The following IP6K3 variants were observed in gnomAD, a reference collection of about 807,000 sequenced individuals.
The protein encoded by IP6K3 is ATP:1D-myo-inositol-hexakisphosphate phosphotransferase.
IP6K3 carries 20 observed loss-of-function variants against 28.8 expected under a neutral mutation model. That is an observed-to-expected ratio of 0.70 (90% confidence interval 0.49 to 1.01). The LOEUF is 1.01. Among genes scored for constraint, IP6K3 ranks in the 50% least tolerant of loss-of-function variants. IP6K3 has a pLI of 0.00. For missense variants in IP6K3, 480 were observed against 537.1 expected (o/e 0.89, Z 1.05); for synonymous variants, 213 against 221.3 (o/e 0.96, Z 0.33).
At chr6:33,726,581 G>T in intron 4 of IP6K3, 150 bp downstream of exon 4, 1 of 768,332 alleles carries the variant, frequency 1.3e-6, no homozygotes, top group Non-Finnish European at 2.0e-6. Flanking sequence ...TTGAGGGCTT[G>T]TGCCTTCCAG....
intron 2 of IP6K3, among the ~76,000 whole-genome samples, chr6:33,732,274 C>G (rs1766348323): frequency 6.6e-6 from 1 of 152,200 alleles, no homozygotes; most frequent in South Asian, 2.1e-4. Flanking sequence ...CCCTGCCCAT[C>G]ATCCTCCCTG....
At position 33,742,571 on chromosome 6, in the gene IP6K3, T is replaced by C. The variant is rs1301481997; in HGVS notation, c.-180+4187A>G. Among the ~76,000 whole-genome samples the C allele has an allele frequency of 6.6e-6, 1 of 152,028 alleles. No individual in the cohort carries two copies. Among genetic ancestry groups the C allele is most frequent in the Non-Finnish European group, 1.5e-5 (1 of 67,998 alleles). ...GGGGCCTGCCAAGACCTTACCCAAA[T>C]CCTCACCACCACAATCTGCAGAGTA... is the stretch of plus-strand genomic sequence containing the variant. On this transcript the variant is annotated intron_variant, in intron 1 of 5. Transcript: ENST00000293756. This position sits in a 1 kb window ranked among gnomAD's most constrained non-coding sequence, Gnocchi z 4.5.
At chr6:33,725,142 T>A (rs1195726465) in intron 5 of IP6K3, among the ~76,000 whole-genome samples, 1 of 145,648 alleles carries the variant, frequency 6.9e-6, no homozygotes, top group Non-Finnish European at 1.5e-5. Flanking sequence ...GGCAGGAGAA[T>A]GGCATGAACC....
chr6:33,731,873 A>G (rs1582209737), intron 2 of IP6K3, among the ~76,000 whole-genome samples: 1 of 151,214 alleles, frequency 6.6e-6, no homozygotes, highest in South Asian at 2.1e-4. Flanking sequence ...AGAGTGTGGG[A>G]CCCAGCCAGA....
At chr6:33,741,266 T>G (rs1019975672) in intron 1 of IP6K3, among the ~76,000 whole-genome samples, 16 of 152,322 alleles carry the variant, frequency 1.1e-4, no homozygotes, top group African/African-American at 3.4e-4. Context: ...GGGGGTGGCT[T>G]GTTATGCAGC....
At chr6:33,756,620 G>A in the IP6K3 span, among the ~76,000 whole-genome samples, 15 of 152,168 alleles carry the variant, frequency 9.9e-5, no homozygotes, top group African/African-American at 2.2e-4. Context: ...AACTTATTTC[G>A]TGTATCATGA....
At chr6:33,732,322 T>G (rs1766350515) in intron 2 of IP6K3, among the ~76,000 whole-genome samples, 1 of 152,170 alleles carries the variant, frequency 6.6e-6, no homozygotes. Flanking sequence ...AGGGAGAACA[T>G]GCACTCTGTG....
At chr6:33,729,450 C>T (rs772937035) in intron 2 of IP6K3, among the ~76,000 whole-genome samples, 1 of 152,226 alleles carries the variant, frequency 6.6e-6, no homozygotes, top group African/African-American at 2.4e-5. Flanking sequence ...ACCAGTGGCT[C>T]CCTTGCCCTC....
intron 1 of IP6K3, among the ~76,000 whole-genome samples, chr6:33,745,298 G>C (rs1194302868): frequency 6.6e-6 from 1 of 152,206 alleles, no homozygotes; most frequent in East Asian, 1.9e-4. Flanking sequence ...CAGGGGGTGG[G>C]CTTGGCCTGG....
intron 1 of IP6K3, among the ~76,000 whole-genome samples, chr6:33,738,124 T>C (rs145173497): frequency 6.6e-6 from 1 of 152,318 alleles, no homozygotes; most frequent in African/African-American, 2.4e-5. Flanking sequence ...CTGGGCTTGC[T>C]GGCATGTCGG....
chr6:33,745,220 G>A (rs1766863618), intron 1 of IP6K3, among the ~76,000 whole-genome samples: 1 of 152,234 alleles, frequency 6.6e-6, no homozygotes, highest in Admixed American at 6.5e-5. Context: ...CAACCATCCG[G>A]GTTTCTGCCT....
chr6:33,761,228 C>T, the IP6K3 span, among the ~76,000 whole-genome samples: 57 of 152,154 alleles, frequency 3.7e-4, no homozygotes, highest in Middle Eastern at 6.8e-3. Context: ...GGGTGGGAGT[C>T]GAGGTGGGGG....
chr6:33,728,834 G>C (rs533648341), intron 2 of IP6K3, among the ~76,000 whole-genome samples: 1 of 152,108 alleles, frequency 6.6e-6, no homozygotes, highest in African/African-American at 2.4e-5. Context: ...TTCCAGGAAG[G>C]CTTCCTCTCA....
the IP6K3 span, among the ~76,000 whole-genome samples, chr6:33,761,621 G>C: frequency 1.2e-4 from 18 of 152,026 alleles, no homozygotes; most frequent in Admixed American, 1.2e-3. Context: ...TGTGCACCAG[G>C]GCAGGCTGCA....
chr6:33,724,092 G>A (rs1766011818), intron 5 of IP6K3, among the ~76,000 whole-genome samples: 1 of 152,174 alleles, frequency 6.6e-6, no homozygotes, highest in Admixed American at 6.5e-5. Flanking sequence ...CAGATTACAT[G>A]ATATGTTCAT....
At chr6:33,725,228 CAAA>C (rs10570024) in intron 5 of IP6K3, among the ~76,000 whole-genome samples, 12 of 116,670 alleles carry the variant, frequency 1.0e-4, no homozygotes, top group Non-Finnish European at 1.6e-4. Context: ...GACTCCGTCT[CAAA>C]AAAAAAAAAA....
chr6:33,724,641 G>A (rs762623280), intron 5 of IP6K3, among the ~76,000 whole-genome samples: 4 of 152,180 alleles, frequency 2.6e-5, no homozygotes, highest in African/African-American at 4.8e-5. Flanking sequence ...GAGCAGAAAA[G>A]GTGGATTAAG....
At chr6:33,728,440 A>G (rs557676739) in intron 2 of IP6K3, 140 bp from the exon 3 acceptor site, 92 of 769,516 alleles carry the variant, frequency 1.2e-4, no homozygotes, top group Admixed American at 5.3e-4. Context: ...CTCTCAAGGA[A>G]GAGCTATGGG....
intron 1 of IP6K3, among the ~76,000 whole-genome samples, chr6:33,745,896 G>C (rs957019603): frequency 1.3e-5 from 2 of 152,192 alleles, no homozygotes; most frequent in Non-Finnish European, 1.5e-5. Flanking sequence ...GGATGTACAA[G>C]TGTGCATGAG....
Sources: allele counts gnomAD v4.1 joint callset (sites outside exome capture counted in the v4.1 genomes callset), GRCh38; gene constraint gnomAD v4.1.1; non-coding constraint Gnocchi (gnomAD v3.1); transcripts MANE v1.5; gene names NCBI Gene and HGNC (gene_info 2026-07-23, HGNC 2026-07-21).